The following CCDC154 variants were observed in gnomAD, a reference collection of about 807,000 sequenced individuals.
CCDC154 encodes coiled-coil domain-containing protein 154.
CCDC154 carries 91 observed loss-of-function variants against 87.5 expected under a neutral mutation model. That is an observed-to-expected ratio of 1.04 (90% CI 0.88 to 1.24). CCDC154 has a LOEUF of 1.24. Among genes scored for constraint, CCDC154 ranks in the 50% most tolerant of loss-of-function variants. CCDC154 has a pLI of 0.00. For synonymous variants in CCDC154, 418 were observed against 400.4 expected (o/e 1.04, Z -0.52); for missense variants, 903 against 879.2 (o/e 1.03, Z -0.34).
intron 6 of CCDC154, among the ~76,000 whole-genome samples, chr16:1,441,726 C>G (rs1162000883): frequency 1.3e-5 from 2 of 152,122 alleles, no homozygotes; most frequent in African/African-American, 4.8e-5. Flanking sequence ...CAGGCAGCTT[C>G]CTGGGACGAA....
chr16:1,443,567 A>G lies in CCDC154; in HGVS notation c.353T>C (p.Leu118Pro), dbSNP rs767427990. Reference sequence around the variant, plus strand: ...CCGCGCCTCCTGCTGCAACTGCCTCAGCTCTGAGCCCTGCAGCTGCACGCG... The same window carrying G: ...CCGCGCCTCCTGCTGCAACTGCCTCGGCTCTGAGCCCTGCAGCTGCACGCG... ...RARVQLQGSE[L>P]RQLQQEARPA... The change falls in exon 3 of 17, where the codon CTG becomes CCG. Residue 118 changes from leucine (L) to proline (P), a missense_variant. Physicochemically the swap from Leu to Pro is moderately conservative, Grantham distance 98. Coordinates refer to ENST00000389176, the MANE Select transcript of CCDC154 (RefSeq NM_001143980.3). The G allele has an allele frequency of 1.6e-5, 24 of 1,481,422 alleles. No homozygotes were observed. The highest frequency in any genetic ancestry group is 1.2e-4 in the South Asian group (10 of 80,184). 91.8% of individuals were successfully genotyped at this position (1,481,422 alleles called of 1,614,324 possible). A position where few individuals can be genotyped will look rare whatever the true frequency, so the allele number is the denominator to read the frequency against.
intron 14 of CCDC154, among the ~76,000 whole-genome samples, chr16:1,435,506 G>GTTTTTGTT (rs2038493425): frequency 6.8e-6 from 1 of 147,990 alleles, no homozygotes; most frequent in African/African-American, 2.7e-5. Context: ...AGGGACAGCT[G>GTTTTTGTT]TTTTTGTTTT....
At chr16:1,443,326 G>A in intron 3 of CCDC154, 25 bp from the exon 4 acceptor site, 1 of 1,544,118 alleles carries the variant, frequency 6.5e-7, no homozygotes, top group African/African-American at 1.4e-5. Flanking sequence ...AGGAGGCTGT[G>A]GGCTGGACCT....
At chr16:1,441,886 C>T (rs886108760) in intron 6 of CCDC154, among the ~76,000 whole-genome samples, 15 of 151,900 alleles carry the variant, frequency 9.9e-5, no homozygotes, top group Non-Finnish European at 1.6e-4. Flanking sequence ...GATTTACAGG[C>T]GTGTGCCACT....
At position 1,436,521 on chromosome 16, in the gene CCDC154, T is replaced by A; in HGVS notation, c.1411A>T (p.Ile471Leu). The change falls in exon 13 of 17, where the codon ATA becomes TTA. Residue 471 changes from isoleucine (I) to leucine (L), a missense_variant and splice_region_variant. Coordinates refer to ENST00000389176, the MANE Select transcript of CCDC154 (RefSeq NM_001143980.3). The stretch of plus-strand genomic sequence containing the variant: ...AGGCACTTGTCGGAGACACTCTCTA[T>A]CTGAACACAGAGCCGGGAGCGGCGG... ...REKVDGLPQQ[I>L]ESVSDKCLLH... The A allele has an allele frequency of 1.3e-6, 2 of 1,549,086 alleles. No homozygotes were observed. The highest frequency in any genetic ancestry group is 2.4e-5 in the East Asian group (1 of 40,912).
At chr16:1,435,935 T>C in intron 14 of CCDC154, 34 bp downstream of exon 14, 1 of 1,518,370 alleles carries the variant, frequency 6.6e-7, no homozygotes, top group Non-Finnish European at 8.9e-7. Context: ...GCTCCCCCTC[T>C]CTCCCAGCTG....
chr16:1,434,606 CCCCCAGCCCTGAA>C, intron 16 of CCDC154, 49 bp downstream of exon 16: 1 of 1,402,328 alleles, frequency 7.1e-7, no homozygotes, highest in Non-Finnish European at 9.5e-7. Flanking sequence ...TGCCTGTGGG[CCCCCAGCCCTGAA>C]CCCCGGCCCA....
intron 6 of CCDC154, among the ~76,000 whole-genome samples, chr16:1,440,905 C>T (rs150381968): frequency 2.0e-5 from 3 of 150,406 alleles, no homozygotes; most frequent in African/African-American, 4.9e-5. Flanking sequence ...GAGCCGAGAT[C>T]GTGCCACTGC....
At chr16:1,442,679 G>T in intron 5 of CCDC154, 150 bp from the exon 6 acceptor site, 2 of 1,061,450 alleles carry the variant, frequency 1.9e-6, no homozygotes, top group Non-Finnish European at 1.3e-6. Flanking sequence ...AGCACCGGTG[G>T]CAGGGAAGGG....
At chr16:1,437,553 C>T (rs960346690) in intron 11 of CCDC154, 17 of 452,148 alleles carry the variant, frequency 3.8e-5, no homozygotes, top group South Asian at 3.1e-4. Flanking sequence ...GTGAGCTGCC[C>T]GCATGGCCGG....
At chr16:1,439,175 G>T in intron 6 of CCDC154, 49 bp from the exon 7 acceptor site, 1 of 1,485,598 alleles carries the variant, frequency 6.7e-7, no homozygotes, top group Non-Finnish European at 9.2e-7. Flanking sequence ...TGGACACGCA[G>T]CCGGTCCCCC....
At position 1,443,772 on chromosome 16, in the gene CCDC154, G is replaced by A. The variant is rs559199677; in HGVS notation, c.224+24C>T. The A allele has an allele frequency of 2.1e-5, 28 of 1,304,814 alleles. 1 individual carries two copies. Among genetic ancestry groups the A allele is most frequent in the African/African-American group, 1.8e-4 (12 of 66,088 alleles). The allele number at this position is 1,304,814 out of a possible 1,614,324, so 80.8% of individuals were successfully genotyped here. A position where few individuals can be genotyped will look rare whatever the true frequency, so the allele number is the denominator to read the frequency against. On this transcript the variant is annotated intron_variant, in intron 2 of 16. Coordinates refer to ENST00000389176, the MANE Select transcript of CCDC154 (RefSeq NM_001143980.3). ...GGCGGCGGCGACGTGGTCCTCCCCC[G>A]CCAGCACCCCCTGCAGGGCTCACCA...
In CCDC154 at chr16:1,438,957, C is replaced by G. The variant is rs1488777042; in HGVS notation, c.778-14G>C. ...GGCCTTCATTCTCTGTGGGGAGACCCCACTGTCAGCTGCAGGTCTGCGTCT... is the reference window on the plus strand; with the variant it reads ...GGCCTTCATTCTCTGTGGGGAGACCGCACTGTCAGCTGCAGGTCTGCGTCT... On this transcript the variant is annotated splice_polypyrimidine_tract_variant and intron_variant, in intron 7 of 16. Transcript: ENST00000389176. The G allele has an allele frequency of 1.3e-6, 2 of 1,548,718 alleles. No homozygotes were observed. Among genetic ancestry groups the G allele is most frequent in the African/African-American group, 2.7e-5 (2 of 73,034 alleles).
chr16:1,438,242 A>G (rs766261248), intron 9 of CCDC154, 66 bp from the exon 10 acceptor site: 19 of 1,440,540 alleles, frequency 1.3e-5, no homozygotes, highest in Non-Finnish European at 1.5e-5. Context: ...TGGGCCAGGG[A>G]GGGGAGCTTG....
At chr16:1,437,340 C>A (rs964888537) in intron 11 of CCDC154, 7 of 177,980 alleles carry the variant, frequency 3.9e-5, no homozygotes, top group African/African-American at 1.4e-4. Flanking sequence ...AGGGGCCCAG[C>A]GGTCGCCAGG....
Position 1,434,514 on chromosome 16 carries a change from G to A in CCDC154, c.1898C>T (p.Ser633Phe), listed in dbSNP as rs1358130787. The A allele has an allele frequency of 6.5e-7, 1 of 1,548,178 alleles. No individual in the cohort carries two copies. The highest frequency in any genetic ancestry group is 8.7e-7 in the Non-Finnish European group (1 of 1,146,260). Residue 633 changes from serine (S) to phenylalanine (F), a missense_variant, in exon 17 of 17, where the codon TCC becomes TTC. Ser to Phe is a radical substitution (Grantham distance 155). Transcript: ENST00000389176. Reference sequence around the variant, plus strand: ...CCGCAGGGCCCTGAGCTTTATGAGGGACGCCTTCCAGCGCAGCCACCTGTC... The same window carrying A: ...CCGCAGGGCCCTGAGCTTTATGAGGAACGCCTTCCAGCGCAGCCACCTGTC... ...QAVRWLRWKA[S>F]LIKLRALRRP...
rs1567257160 is a variant in CCDC154, at chr16:1,436,766, G to A, written c.1336C>T (p.Leu446=). The stretch of plus-strand genomic sequence containing the variant: ...GTCACCTCCTTCCGCCACCTGGCCA[G>A]GTCCTCCAGGGACTTCCTCTCTGCA... The part of the protein sequence containing the change: ...EGAERKSLED[L]ARWRKEVTEH... Residue 446 remains leucine (L), a synonymous_variant, in exon 12 of 17, where the codon CTG becomes TTG. Coordinates refer to ENST00000389176, the MANE Select transcript of CCDC154 (RefSeq NM_001143980.3). The A allele has an allele frequency of 6.4e-7, 1 of 1,550,560 alleles. No homozygotes were observed. Among genetic ancestry groups the A allele is most frequent in the South Asian group, 1.2e-5 (1 of 84,068 alleles).
intron 6 of CCDC154, among the ~76,000 whole-genome samples, chr16:1,442,017 A>C (rs1054817703): frequency 2.0e-5 from 3 of 152,022 alleles, no homozygotes; most frequent in Admixed American, 6.5e-5. Context: ...GCTGGATTCA[A>C]GCAATCCTCC....
chr16:1,443,555 T>C lies in CCDC154; in HGVS notation c.365A>G (p.Gln122Arg), dbSNP rs1048052391. Residue 122 changes from glutamine (Q) to arginine (R), a missense_variant, in exon 3 of 17, where the codon CAG becomes CGG. Transcript: ENST00000389176. ...QLQGSELRQL[Q>R]QEARPAAQAP... The stretch of plus-strand genomic sequence containing the variant: ...CTGGGCTGCCGGCCGCGCCTCCTGC[T>C]GCAACTGCCTCAGCTCTGAGCCCTG... The C allele has an allele frequency of 1.4e-4, 211 of 1,479,534 alleles. No homozygotes were observed. Among genetic ancestry groups the C allele is most frequent in the Middle Eastern group, 9.7e-4 (4 of 4,132 alleles). 91.7% of individuals were successfully genotyped at this position (1,479,534 alleles called of 1,614,324 possible).
Sources: allele counts gnomAD v4.1 joint callset (sites outside exome capture counted in the v4.1 genomes callset), GRCh38; gene constraint gnomAD v4.1.1; transcripts MANE v1.5; gene names NCBI Gene and HGNC (gene_info 2026-07-23, HGNC 2026-07-21).